The following CLTCL1 variants were observed in gnomAD, a reference collection of about 807,000 sequenced individuals.
The protein encoded by CLTCL1 is clathrin heavy chain like 1, also known as clathrin heavy chain 2.
CLTCL1 carries 159 observed loss-of-function variants against 190.0 expected under a neutral mutation model. That is an observed-to-expected ratio of 0.84 (90% CI 0.74 to 0.95). CLTCL1 has a LOEUF of 0.95. Ranked by LOEUF, CLTCL1 falls within the 40% of genes least tolerant of loss-of-function variation. The pLI is 0.00. For missense variants in CLTCL1, 1,878 were observed against 2,033.4 expected, an observed-to-expected ratio of 0.92 and a Z score of 1.47; for synonymous variants, 752 against 769.6, an observed-to-expected ratio of 0.98 and a Z score of 0.38.
intron 2 of CLTCL1, among the ~76,000 whole-genome samples, chr22:19,270,002 C>A (rs1555979780): frequency 6.7e-6 from 1 of 150,078 alleles, no homozygotes; most frequent in Non-Finnish European, 1.5e-5. Flanking sequence ...TATGTCCACA[C>A]AAAGACTTGT....
intron 10 of CLTCL1, among the ~76,000 whole-genome samples, chr22:19,231,608 G>A (rs1555959155): frequency 1.3e-5 from 2 of 152,146 alleles, no homozygotes; most frequent in Admixed American, 6.5e-5. Context: ...TTAAATTGAT[G>A]TTAATTTAAA....
intron 1 of CLTCL1, among the ~76,000 whole-genome samples, chr22:19,289,224 C>T (rs926712632): frequency 7.2e-5 from 11 of 152,164 alleles, no homozygotes; most frequent in Non-Finnish European, 1.3e-4. Context: ...CTCAGGTGAT[C>T]CACCCGCCTC....
chr22:19,243,346 A>G (rs781913366), intron 3 of CLTCL1, among the ~76,000 whole-genome samples: 5 of 152,338 alleles, frequency 3.3e-5, no homozygotes, highest in African/African-American at 9.6e-5. Context: ...ATAAAAACCA[A>G]TAAGGCCAGC....
intron 20 of CLTCL1, 84 bp downstream of exon 20, chr22:19,210,242 C>G: frequency 7.2e-7 from 1 of 1,382,954 alleles, no homozygotes; most frequent in Non-Finnish European, 1.0e-6. Context: ...GTCTGACACC[C>G]TTGGAGAGGA....
At chr22:19,278,431 AC>A (rs1242463484) in intron 1 of CLTCL1, among the ~76,000 whole-genome samples, 1 of 152,194 alleles carries the variant, frequency 6.6e-6, no homozygotes, top group East Asian at 1.9e-4. Context: ...CCCAGGACAC[AC>A]CAAGGCTTAG....
At chr22:19,234,784 G>T in intron 6 of CLTCL1, 78 bp from the exon 7 acceptor site, 1 of 1,254,132 alleles carries the variant, frequency 8.0e-7, no homozygotes, top group South Asian at 1.3e-5. Flanking sequence ...CCCTTCCGAT[G>T]CTGGAGTGGT....
At chr22:19,221,712 C>CT in intron 16 of CLTCL1, 101 bp from the exon 17 acceptor site, 1 of 1,140,232 alleles carries the variant, frequency 8.8e-7, no homozygotes, top group Non-Finnish European at 1.2e-6. Flanking sequence ...CAAAAAATCT[C>CT]AGAGTCCATT....
rs146925320 is a variant in CLTCL1, at chr22:19,234,365, TG to T, written c.1167+143del. ...TTTACTTCCTTTACTGTTATGCCAT[TG>T]GTGCAAAAATTTTAAACTAAAAACT... On this transcript the variant is annotated intron_variant, in intron 7 of 32. Transcript: ENST00000427926. 79 of 699,456 alleles carry T rather than the reference TG, an allele frequency of 1.1e-4. No individual in the cohort carries two copies. The African/African-American group carries it at 1.4e-3, about 12-fold the overall frequency. 43.3% of individuals were successfully genotyped at this position (699,456 alleles called of 1,614,324 possible).
At chr22:19,257,815 T>G in intron 2 of CLTCL1, 2 of 1,428,054 alleles carry the variant, frequency 1.4e-6, no homozygotes, top group Non-Finnish European at 1.9e-6. Context: ...CTGGACAGAG[T>G]GAGGAGCCTG....
intron 16 of CLTCL1, 45 bp downstream of exon 16, chr22:19,221,906 C>G (rs1555952675): frequency 1.2e-6 from 2 of 1,602,544 alleles, no homozygotes; most frequent in Non-Finnish European, 1.7e-6. Flanking sequence ...ACAACAGACA[C>G]TAGAATCCAG....
intron 1 of CLTCL1, among the ~76,000 whole-genome samples, chr22:19,282,260 C>T (rs898500916): frequency 2.8e-4 from 42 of 150,986 alleles, no homozygotes; most frequent in Non-Finnish European, 4.0e-4. Flanking sequence ...ACCCAGGAGG[C>T]GGAGGCTGCA....
At chr22:19,189,363 C>A (rs2084418283) in intron 27 of CLTCL1, among the ~76,000 whole-genome samples, 1 of 152,230 alleles carries the variant, frequency 6.6e-6, no homozygotes, top group African/African-American at 2.4e-5. Flanking sequence ...ACTGTACTCA[C>A]AGTAGAACAT....
At position 19,213,798 on chromosome 22, in the gene CLTCL1, G is replaced by A. The variant is rs373115588; in HGVS notation, c.3065+2313C>T. Among the ~76,000 whole-genome samples the A allele has an allele frequency of 3.9e-5, 6 of 152,036 alleles. No individual in the cohort carries two copies. In the East Asian group the frequency reaches 9.7e-4, roughly 25 times the overall value. On this transcript the variant is annotated intron_variant, in intron 19 of 32. Coordinates refer to ENST00000427926, the MANE Select transcript of CLTCL1 (RefSeq NM_007098.4). The stretch of plus-strand genomic sequence containing the variant: ...GTTTGGGGGAATGTATAATATACAC[G>A]GTAGCTAGCACAAGGGAATGTTAAA...
intron 24 of CLTCL1, among the ~76,000 whole-genome samples, chr22:19,197,733 C>T (rs2146296366): frequency 6.6e-6 from 1 of 152,270 alleles, no homozygotes; most frequent in East Asian, 1.9e-4. Context: ...GTCTGCTCAG[C>T]AGCAGGCCCT....
intron 2 of CLTCL1, among the ~76,000 whole-genome samples, chr22:19,267,350 T>C (rs1261274377): frequency 1.3e-5 from 2 of 152,202 alleles, no homozygotes; most frequent in African/African-American, 4.8e-5. Flanking sequence ...ATTAAATGAC[T>C]AGAAGACTTA....
intron 27 of CLTCL1, among the ~76,000 whole-genome samples, chr22:19,189,058 C>T (rs899792810): frequency 1.3e-5 from 2 of 152,282 alleles, no homozygotes; most frequent in Non-Finnish European, 1.5e-5. Flanking sequence ...TGCGCGCCCA[C>T]CACACCTGGC....
intron 5 of CLTCL1, 89 bp downstream of exon 5, chr22:19,239,186 C>T: frequency 1.0e-6 from 1 of 992,524 alleles, no homozygotes; most frequent in South Asian, 1.3e-5. Flanking sequence ...ACAGCAGAAG[C>T]AGACTAAAAA....
chr22:19,245,908 T>C (rs2086403608), intron 3 of CLTCL1, among the ~76,000 whole-genome samples: 1 of 152,216 alleles, frequency 6.6e-6, no homozygotes, highest in Admixed American at 6.5e-5. Flanking sequence ...ACTCATTTGC[T>C]GGTGAACATT....
At chr22:19,228,686 TAAGTA>T (rs2085829277) in intron 11 of CLTCL1, among the ~76,000 whole-genome samples, 2 of 152,336 alleles carry the variant, frequency 1.3e-5, no homozygotes, top group African/African-American at 4.8e-5. Flanking sequence ...TCAGAAGAGA[TAAGTA>T]AAGAACAAAG....
Sources: gnomAD v4.1 joint callset for allele counts (sites outside exome capture counted in the v4.1 genomes callset) on GRCh38, gnomAD v4.1.1 for gene constraint, MANE v1.5 for transcripts, NCBI Gene and HGNC (gene_info 2026-07-23, HGNC 2026-07-21) for gene names.